OSGIN2: variants seen among roughly 807,000 people sequenced by gnomAD.
The protein encoded by OSGIN2 is oxidative stress-induced growth inhibitor 2.
In OSGIN2, 19 loss-of-function variants were observed where a neutral mutation model predicts 53.8. The observed-to-expected ratio is 0.35, with a 90% confidence interval of 0.25 to 0.52. The LOEUF is 0.52. Among genes scored for constraint, OSGIN2 ranks in the 20% least tolerant of loss-of-function variants. The pLI, the probability that OSGIN2 is intolerant of heterozygous loss-of-function variation, is 0.95. For synonymous variants in OSGIN2, 236 were observed against 236.0 expected, an observed-to-expected ratio of 1.00 and a Z score of 0.00; for missense variants, 520 against 662.7, an observed-to-expected ratio of 0.78 and a Z score of 2.36.
chr8:89,902,905 G>A, intron 1 of OSGIN2, 68 bp downstream of exon 1: 2 of 1,158,262 alleles, frequency 1.7e-6, no homozygotes, highest in Non-Finnish European at 2.3e-6. Context: ...TTTTGGCCTG[G>A]CCCGGGCCGG....
At chr8:89,915,935 C>A (rs1045954824) in intron 4 of OSGIN2, among the ~76,000 whole-genome samples, 2 of 152,032 alleles carry the variant, frequency 1.3e-5, no homozygotes, top group African/African-American at 4.8e-5. Context: ...ATGATTTTTA[C>A]TTTTTCATAT....
chr8:89,921,215 AAG>A (rs1809194046), intron 5 of OSGIN2, 44 bp downstream of exon 5: 1 of 1,144,854 alleles, frequency 8.7e-7, no homozygotes, highest in Admixed American at 2.3e-5. Flanking sequence ...TACGTTGAAA[AAG>A]AGAATGTGGA....
intron 2 of OSGIN2, among the ~76,000 whole-genome samples, chr8:89,912,574 C>T (rs1431575501): frequency 6.6e-6 from 1 of 151,874 alleles, no homozygotes; most frequent in Non-Finnish European, 1.5e-5. Context: ...GCTGAAACCC[C>T]GTCTCTACTA....
At chr8:89,923,027 A>G (rs1809241991) in intron 5 of OSGIN2, among the ~76,000 whole-genome samples, 1 of 152,196 alleles carries the variant, frequency 6.6e-6, no homozygotes, top group African/African-American at 2.4e-5. Flanking sequence ...CAAAAATGGT[A>G]TACCTGTATA....
intron 5 of OSGIN2, among the ~76,000 whole-genome samples, chr8:89,923,876 A>T (rs1203500515): frequency 6.8e-6 from 1 of 147,710 alleles, no homozygotes; most frequent in Non-Finnish European, 1.5e-5. Flanking sequence ...AATGACATAC[A>T]GACTAATGCA....
At chr8:89,903,657 GGAAA>G in intron 1 of OSGIN2, among the ~76,000 whole-genome samples, 1 of 152,240 alleles carries the variant, frequency 6.6e-6, no homozygotes, top group Non-Finnish European at 1.5e-5. Context: ...GAACTTGGAT[GGAAA>G]GAAAGGTATA....
At chr8:89,924,367 T>TA in intron 5 of OSGIN2, 136 bp from the exon 6 acceptor site, 2 of 588,484 alleles carry the variant, frequency 3.4e-6, no homozygotes, top group Non-Finnish European at 5.6e-6. Flanking sequence ...GTTTTTTTTT[T>TA]AAGTGTTAGG....
At chr8:89,913,963 T>G (rs1419971388) in intron 2 of OSGIN2, 114 bp from the exon 3 acceptor site, 2 of 854,856 alleles carry the variant, frequency 2.3e-6, no homozygotes, top group East Asian at 5.1e-5. Context: ...TTTAAGAGAT[T>G]AGAAAAGGAA....
intron 4 of OSGIN2, among the ~76,000 whole-genome samples, chr8:89,918,927 A>G (rs867574540): frequency 6.6e-6 from 1 of 152,198 alleles, no homozygotes; most frequent in Non-Finnish European, 1.5e-5. Context: ...AATTACTGCA[A>G]ACCCTTTCTA....
chr8:89,922,658 T>TCCTGAACAAATA (rs1480532581), intron 5 of OSGIN2, among the ~76,000 whole-genome samples: 1 of 152,196 alleles, frequency 6.6e-6, no homozygotes, highest in East Asian at 1.9e-4. Flanking sequence ...AGTGTTGTGA[T>TCCTGAACAAATA]CCTGAACAAA....
Position 89,906,651 on chromosome 8 carries a change from G to A in OSGIN2, c.45-2916G>A, listed in dbSNP as rs151213896. ...CTGTATAGTATTCTATGGTGCATAT[G>A]TACCATGTTTTCTTTATCCAGTCTA... On this transcript the variant is annotated intron_variant, in intron 1 of 5. Transcript: ENST00000451899. Among the ~76,000 whole-genome samples the A allele has an allele frequency of 3.2e-3, 480 of 152,270 alleles. 4 individuals are homozygous for A. The highest frequency in any genetic ancestry group is 0.011 in the African/African-American group (465 of 41,550).
chr8:89,902,790 C>A lies in OSGIN2; in HGVS notation c.-4C>A. ...GCGCTCGGGCGCCCCTCGCGCAGCGCTCCATGCCCGTGTGGTGCTGCCGCT... is the reference window on the plus strand; with the variant it reads ...GCGCTCGGGCGCCCCTCGCGCAGCGATCCATGCCCGTGTGGTGCTGCCGCT... On this transcript the variant is annotated 5_prime_UTR_variant, in exon 1 of 6. Coordinates refer to ENST00000451899, the MANE Select transcript of OSGIN2 (RefSeq NM_001126111.3). The A allele has an allele frequency of 1.5e-6, 2 of 1,314,694 alleles. No individual in the cohort carries two copies. The highest frequency in any genetic ancestry group is 2.2e-5 in the South Asian group (1 of 45,650). The allele number at this position is 1,314,694 out of a possible 1,614,324, so 81.4% of individuals were successfully genotyped here. A position where few individuals can be genotyped will look rare whatever the true frequency, so the allele number is the denominator to read the frequency against.
In OSGIN2 at chr8:89,924,867, A is replaced by G. The variant is rs202111827; in HGVS notation, c.985A>G (p.Met329Val). The G allele has an allele frequency of 9.7e-5, 157 of 1,614,046 alleles. No individual in the cohort carries two copies. Among genetic ancestry groups the G allele is most frequent in the Middle Eastern group, 3.3e-4 (2 of 6,084 alleles). ...GEDFPFVFHS[M>V]PEFGAAINKG... Reference sequence around the variant, plus strand: ...AGATTTTCCTTTTGTGTTTCATTCAATGCCTGAATTTGGAGCTGCTATAAA... The same window carrying G: ...AGATTTTCCTTTTGTGTTTCATTCAGTGCCTGAATTTGGAGCTGCTATAAA... Residue 329 changes from methionine (M) to valine (V), a missense_variant, in exon 6 of 6, where the codon ATG becomes GTG. Met to Val is a conservative substitution (Grantham distance 21, BLOSUM62 1). Coordinates refer to ENST00000451899, the MANE Select transcript of OSGIN2 (RefSeq NM_001126111.3).
intron 1 of OSGIN2, among the ~76,000 whole-genome samples, chr8:89,907,196 C>T (rs772433014): frequency 1.3e-5 from 2 of 152,108 alleles, no homozygotes; most frequent in African/African-American, 2.4e-5. Context: ...AAATTTTCTC[C>T]CATTCTGTTG....
chr8:89,904,836 A>C (rs1427761498), intron 1 of OSGIN2, among the ~76,000 whole-genome samples: 1 of 152,204 alleles, frequency 6.6e-6, no homozygotes, highest in African/African-American at 2.4e-5. Flanking sequence ...ACACAAAAAA[A>C]CACAGATTAT....
intron 4 of OSGIN2, 60 bp from the exon 5 acceptor site, chr8:89,921,018 CAA>C (rs1216750677): frequency 2.0e-6 from 2 of 1,005,150 alleles, no homozygotes; most frequent in Non-Finnish European, 3.0e-6. Flanking sequence ...AAAAACAGAC[CAA>C]AAAAAACCAT....
At position 89,926,880 on chromosome 8, in the gene OSGIN2, A is replaced by G. The variant is rs771187100; in HGVS notation, c.*1348A>G. ...CATTTTATTGCAGTATTAAATGCTT[A>G]AGCTTATTAGGACCATAATTCACTT... On this transcript the variant is annotated 3_prime_UTR_variant, in exon 6 of 6. Coordinates refer to ENST00000451899, the MANE Select transcript of OSGIN2 (RefSeq NM_001126111.3). 3.7e-4 allele frequency: 56 copies of G among 152,294 alleles called. No individual in the cohort carries two copies. Among genetic ancestry groups the G allele is most frequent in the African/African-American group, 1.2e-3 (51 of 41,566 alleles). The allele number at this position is 152,294 out of a possible 1,614,324, so 9.4% of individuals were successfully genotyped here. A position where few individuals can be genotyped will look rare whatever the true frequency, so the allele number is the denominator to read the frequency against.
chr8:89,907,165 T>C (rs968603655), intron 1 of OSGIN2, among the ~76,000 whole-genome samples: 1 of 152,232 alleles, frequency 6.6e-6, no homozygotes, highest in African/African-American at 2.4e-5. Context: ...ATTAGACCTT[T>C]GTTGGATGCA....
chr8:89,902,889 C>A, intron 1 of OSGIN2, 52 bp downstream of exon 1: 1 of 1,270,336 alleles, frequency 7.9e-7, no homozygotes, highest in Admixed American at 3.2e-5. Context: ...GCCGCGCTCT[C>A]GAGCTTTTTG....
Sources: allele counts gnomAD v4.1 joint callset (sites outside exome capture counted in the v4.1 genomes callset), GRCh38; gene constraint gnomAD v4.1.1; transcripts MANE v1.5; gene names NCBI Gene and HGNC (gene_info 2026-07-23, HGNC 2026-07-21).